AGBL1: variants seen among roughly 807,000 people sequenced by gnomAD.
The protein encoded by AGBL1 is AGBL carboxypeptidase 1, also known as cytosolic carboxypeptidase 4.
Under a neutral mutation model 118.9 loss-of-function variants are expected in AGBL1, and 130 were observed. The observed-to-expected ratio is 1.09, with a 90% CI of 0.95 to 1.26. AGBL1 has a LOEUF of 1.26. AGBL1 is among the 50% of genes most tolerant of loss of function. AGBL1 has a pLI of 0.00. For missense variants in AGBL1, 1,584 were observed against 1,298.1 expected, an observed-to-expected ratio of 1.22 and a Z score of -3.38; for synonymous variants, 555 against 478.9, an observed-to-expected ratio of 1.16 and a Z score of -2.08.
intron 22 of AGBL1, among the ~76,000 whole-genome samples, chr15:86,799,203 G>A (rs2078616206): frequency 6.6e-6 from 1 of 151,644 alleles, no homozygotes; most frequent in African/African-American, 2.4e-5. Flanking sequence ...TATACTTTAA[G>A]TTTTAGGGTA....
chr15:86,161,471 T>G (rs1335221751), intron 5 of AGBL1, among the ~76,000 whole-genome samples: 2 of 152,242 alleles, frequency 1.3e-5, no homozygotes, highest in Non-Finnish European at 2.9e-5. Context: ...AGAGCTGGGA[T>G]TTAAACCCTG....
intron 22 of AGBL1, among the ~76,000 whole-genome samples, chr15:86,857,313 C>A (rs1016310442): frequency 1.3e-5 from 2 of 152,182 alleles, no homozygotes; most frequent in Non-Finnish European, 1.5e-5. Flanking sequence ...CATCCATCAG[C>A]TTCCCATCCT....
chr15:86,379,203 G>A (rs746626145), intron 17 of AGBL1, among the ~76,000 whole-genome samples: 2 of 151,936 alleles, frequency 1.3e-5, no homozygotes, highest in Non-Finnish European at 2.9e-5. Context: ...ATGAGCCACC[G>A]TGCCTGGCCG....
At chr15:86,966,824 C>T (rs997722314) in intron 23 of AGBL1, among the ~76,000 whole-genome samples, 2 of 152,216 alleles carry the variant, frequency 1.3e-5, no homozygotes, top group South Asian at 2.1e-4. Flanking sequence ...GATTTATAGT[C>T]CTTTGGGTAT....
chr15:87,018,091 GAAC>G (rs2081625516), intron 24 of AGBL1, among the ~76,000 whole-genome samples: 2 of 132,604 alleles, frequency 1.5e-5, no homozygotes, highest in African/African-American at 8.6e-5. Context: ...GAAAAGGAAT[GAAC>G]AAAACCTCCA....
At chr15:86,140,847 T>A (rs939844593) in intron 1 of AGBL1, among the ~76,000 whole-genome samples, 1 of 152,184 alleles carries the variant, frequency 6.6e-6, no homozygotes, top group Non-Finnish European at 1.5e-5. Context: ...TGATGAAACA[T>A]CTATTTCAGG....
At chr15:86,670,516 A>G (rs926455323) in intron 21 of AGBL1, among the ~76,000 whole-genome samples, 2 of 151,258 alleles carry the variant, frequency 1.3e-5, no homozygotes, top group African/African-American at 4.9e-5. Context: ...AGGCAGGAGA[A>G]TTGCTTGAAC....
At chr15:86,493,849 C>T (rs911108083) in intron 18 of AGBL1, among the ~76,000 whole-genome samples, 1 of 152,094 alleles carries the variant, frequency 6.6e-6, no homozygotes, top group East Asian at 1.9e-4. Context: ...CAAACATCCC[C>T]TTGCCCACTT....
At chr15:86,577,562 G>A (rs1024855804) in intron 21 of AGBL1, among the ~76,000 whole-genome samples, 3 of 152,182 alleles carry the variant, frequency 2.0e-5, no homozygotes, top group Non-Finnish European at 2.9e-5. Context: ...AGACAATGGG[G>A]AAAATGTCTC....
chr15:86,770,698 G>A (rs2078164932), intron 22 of AGBL1, among the ~76,000 whole-genome samples: 1 of 151,882 alleles, frequency 6.6e-6, no homozygotes, highest in South Asian at 2.1e-4. Context: ...AGAGGGTATC[G>A]TAGGAGCAAG....
chr15:86,781,736 G>T (rs1266977492), intron 22 of AGBL1, among the ~76,000 whole-genome samples: 1 of 152,068 alleles, frequency 6.6e-6, no homozygotes, highest in African/African-American at 2.4e-5. Flanking sequence ...AGACAATATA[G>T]TCAAGAGTAG....
At chr15:86,500,073 C>G (rs4448905) in intron 18 of AGBL1, among the ~76,000 whole-genome samples, 1 of 151,672 alleles carries the variant, frequency 6.6e-6, no homozygotes, top group East Asian at 2.0e-4. Context: ...GTTTGTGGTC[C>G]TGCTGATTTG....
chr15:86,507,020 T>G (rs560803657), intron 18 of AGBL1, among the ~76,000 whole-genome samples: 1 of 152,198 alleles, frequency 6.6e-6, no homozygotes, highest in Non-Finnish European at 1.5e-5. Context: ...GAACTGAAGA[T>G]GACATTTTTC....
chr15:86,479,639 A>T (rs2082620304), intron 18 of AGBL1, among the ~76,000 whole-genome samples: 1 of 152,236 alleles, frequency 6.6e-6, no homozygotes, highest in South Asian at 2.1e-4. Context: ...TACAGGTGGC[A>T]CTGTAAACTA....
At chr15:86,767,487 C>G (rs2078112038) in intron 22 of AGBL1, among the ~76,000 whole-genome samples, 1 of 151,660 alleles carries the variant, frequency 6.6e-6, no homozygotes, top group African/African-American at 2.4e-5. Context: ...GGCATGTTAC[C>G]CAAAGGATGG....
In AGBL1 at chr15:86,727,787, A is replaced by G. The variant is rs143874000; in HGVS notation, c.3158+53351A>G. On this transcript the variant is annotated intron_variant, in intron 22 of 22. Coordinates refer to ENST00000614907, the MANE Select transcript of AGBL1 (RefSeq NM_001386094.1). ...AATCACTGAATGTTAAGTTGCAAAA[A>G]TCCCACAAATCATTTTGTGTATCCC... Among the ~76,000 whole-genome samples, 933 of 152,332 alleles carry G rather than the reference A, an allele frequency of 6.1e-3. 11 individuals carry two copies. The highest frequency in any genetic ancestry group is 0.021 in the African/African-American group (884 of 41,584).
At chr15:86,351,285 A>G (rs1474671391) in intron 17 of AGBL1, among the ~76,000 whole-genome samples, 2 of 152,198 alleles carry the variant, frequency 1.3e-5, no homozygotes, top group African/African-American at 4.8e-5. Flanking sequence ...ACCCACTCCT[A>G]TGATAACAGC....
At chr15:86,710,752 C>A (rs2086542122) in intron 22 of AGBL1, among the ~76,000 whole-genome samples, 1 of 152,082 alleles carries the variant, frequency 6.6e-6, no homozygotes, top group African/African-American at 2.4e-5. Flanking sequence ...GGTTGAAGAT[C>A]TAGAAAGAAA....
At chr15:86,411,258 CA>C (rs1485064056) in intron 18 of AGBL1, among the ~76,000 whole-genome samples, 1 of 151,698 alleles carries the variant, frequency 6.6e-6, no homozygotes, top group Non-Finnish European at 1.5e-5. Context: ...CTGTCTTCCC[CA>C]GCCGGGGGAC....
Sources: allele counts gnomAD v4.1 joint callset (sites outside exome capture counted in the v4.1 genomes callset), GRCh38; gene constraint gnomAD v4.1.1; transcripts MANE v1.5; gene names NCBI Gene and HGNC (gene_info 2026-07-23, HGNC 2026-07-21).